The following KCNN2 variants were observed in gnomAD, a reference collection of about 807,000 sequenced individuals.
KCNN2 encodes small conductance calcium-activated potassium channel protein 2.
KCNN2 carries 24 observed loss-of-function variants against 55.5 expected under a neutral mutation model. The ratio of observed to expected loss-of-function variants is 0.43; its 90% CI spans 0.31 to 0.61. The LOEUF (loss-of-function observed/expected upper bound fraction) is 0.61, where lower values mean the gene tolerates loss of function less well. Among genes scored for constraint, KCNN2 ranks in the 20% least tolerant of loss-of-function variants. KCNN2 has a pLI of 0.08. For missense variants in KCNN2, 754 were observed against 853.6 expected (o/e 0.88, Z 1.45); for synonymous variants, 431 against 336.1 (o/e 1.28, Z -3.09).
chr5:114,106,148 C>T (rs920478028), intron 1 of KCNN2, among the ~76,000 whole-genome samples: 42 of 151,528 alleles, frequency 2.8e-4, no homozygotes, highest in African/African-American at 9.7e-4. Context: ...TGGTTTCTAC[C>T]ATTAGCAGTC....
chr5:114,310,888 A>G (rs1756379680), intron 2 of KCNN2, among the ~76,000 whole-genome samples: 1 of 152,162 alleles, frequency 6.6e-6, no homozygotes, highest in Non-Finnish European at 1.5e-5. Context: ...TCTGGGAGCG[A>G]GTGTGTACCA....
chr5:114,174,844 T>C (rs901261818), intron 1 of KCNN2, among the ~76,000 whole-genome samples: 4 of 152,156 alleles, frequency 2.6e-5, no homozygotes, highest in African/African-American at 4.8e-5. Flanking sequence ...ATGAACTGGA[T>C]TTTCTGTCCA....
chr5:114,065,806 T>G (rs1199632805), intron 1 of KCNN2, among the ~76,000 whole-genome samples: 1 of 141,350 alleles, frequency 7.1e-6, no homozygotes, highest in Non-Finnish European at 1.5e-5. Context: ...AAGATACCAG[T>G]GAGTTGTTGC....
intron 1 of KCNN2, among the ~76,000 whole-genome samples, chr5:114,166,937 C>T (rs1752924869): frequency 6.6e-6 from 1 of 152,102 alleles, no homozygotes; most frequent in Non-Finnish European, 1.5e-5. Context: ...TATCTGTAAA[C>T]CAGGAATTGG....
intron 1 of KCNN2, among the ~76,000 whole-genome samples, chr5:114,199,595 T>C (rs1354207057): frequency 2.3e-5 from 3 of 133,170 alleles, no homozygotes; most frequent in African/African-American, 8.3e-5. Flanking sequence ...TTGTTTTATA[T>C]GAATTTTGGG....
At chr5:114,440,911 TTC>T (rs764267629) in intron 3 of KCNN2, among the ~76,000 whole-genome samples, 17 of 94,680 alleles carry the variant, frequency 1.8e-4, no homozygotes, top group Non-Finnish European at 3.5e-4. Context: ...ATAAATGATA[TTC>T]TTTTTTTTAT....
intron 2 of KCNN2, among the ~76,000 whole-genome samples, chr5:114,309,847 C>T (rs974485252): frequency 2.6e-5 from 4 of 152,220 alleles, no homozygotes; most frequent in Non-Finnish European, 5.9e-5. Flanking sequence ...AATGGGTTTA[C>T]AGATAGTCTA....
At chr5:114,493,225 G>T in intron 6 of KCNN2, 178 bp from the exon 7 acceptor site, 1 of 680,776 alleles carries the variant, frequency 1.5e-6, no homozygotes, top group Non-Finnish European at 2.7e-6. Context: ...TTTTTGCGGT[G>T]TTGGGGAAGC....
intron 2 of KCNN2, among the ~76,000 whole-genome samples, chr5:114,281,190 T>TTGTTTGC (rs1388954127): frequency 1.3e-5 from 2 of 152,232 alleles, no homozygotes; most frequent in East Asian, 3.8e-4. Context: ...ATGCATTTAT[T>TTGTTTGC]TGTTTGCTGT....
At chr5:114,385,139 T>C (rs1758236764) in intron 2 of KCNN2, among the ~76,000 whole-genome samples, 2 of 152,152 alleles carry the variant, frequency 1.3e-5, no homozygotes, top group East Asian at 3.9e-4. Context: ...GTTAATAAAC[T>C]GTCAGGCCAC....
chr5:114,098,318 A>C lies in KCNN2; in HGVS notation c.-271+41818A>C, dbSNP rs1449525879. 2.0e-5 allele frequency among the ~76,000 whole-genome samples: 3 copies of C among 152,010 alleles called. No individual in the cohort carries two copies. The East Asian group carries it at 5.8e-4, about 29-fold the overall frequency. ...TTAGGACTTGGATTCTTTAGGGACC[A>C]TTGTTTGGTCTACCACAGGGGTCCC... On this transcript the variant is annotated intron_variant, in intron 1 of 10. Transcript: ENST00000512097.
chr5:114,089,956 G>A (rs1463010011), intron 1 of KCNN2, among the ~76,000 whole-genome samples: 1 of 152,060 alleles, frequency 6.6e-6, no homozygotes, highest in Non-Finnish European at 1.5e-5. Flanking sequence ...TTTAGTAGAT[G>A]TTTTACAATG....
intron 1 of KCNN2, among the ~76,000 whole-genome samples, chr5:114,139,428 G>T (rs752109375): frequency 3.3e-5 from 5 of 149,734 alleles, no homozygotes; most frequent in Admixed American, 6.8e-5. Context: ...ATTTTAATTT[G>T]CAAAGCAAAG....
At chr5:114,221,300 A>T (rs1296614184) in intron 1 of KCNN2, among the ~76,000 whole-genome samples, 1 of 152,240 alleles carries the variant, frequency 6.6e-6, no homozygotes, top group African/African-American at 2.4e-5. Context: ...ACAAAATAGC[A>T]ATAATTAAGC....
At chr5:114,066,049 A>G (rs924441616) in intron 1 of KCNN2, among the ~76,000 whole-genome samples, 2 of 152,080 alleles carry the variant, frequency 1.3e-5, no homozygotes, top group Non-Finnish European at 2.9e-5. Flanking sequence ...TCAAAAGTCT[A>G]TTTAACATAT....
intron 2 of KCNN2, among the ~76,000 whole-genome samples, chr5:114,228,801 TATG>T (rs1335472227): frequency 2.0e-5 from 3 of 152,098 alleles, no homozygotes; most frequent in Non-Finnish European, 4.4e-5. Context: ...TTTGGATTCT[TATG>T]ATGTAAGGTT....
chr5:114,176,611 C>T (rs190412913), intron 1 of KCNN2, among the ~76,000 whole-genome samples: 54 of 152,166 alleles, frequency 3.5e-4, no homozygotes, highest in Non-Finnish European at 6.9e-4. Context: ...TTACTAGAAG[C>T]CATTAGTCAC....
chr5:114,103,065 A>G (rs898508682), intron 1 of KCNN2, among the ~76,000 whole-genome samples: 4 of 152,188 alleles, frequency 2.6e-5, no homozygotes, highest in African/African-American at 9.6e-5. Context: ...CTTTCTATCC[A>G]TGAGCATGGA....
intron 5 of KCNN2, among the ~76,000 whole-genome samples, chr5:114,478,258 G>A (rs1330780577): frequency 6.6e-6 from 1 of 152,110 alleles, no homozygotes; most frequent in East Asian, 1.9e-4. Context: ...CAAAGAAATG[G>A]AAGTTGAAAA....
Sources: allele counts gnomAD v4.1 joint callset (sites outside exome capture counted in the v4.1 genomes callset), GRCh38; gene constraint gnomAD v4.1.1; transcripts MANE v1.5; gene names NCBI Gene and HGNC (gene_info 2026-07-23, HGNC 2026-07-21).